The following CSRNP3 variants were observed in gnomAD, a reference collection of about 807,000 sequenced individuals.
CSRNP3 encodes cysteine/serine-rich nuclear protein 3.
In CSRNP3, 12 loss-of-function variants were observed where a neutral mutation model predicts 48.0. That is an observed-to-expected ratio of 0.25 (90% confidence interval 0.16 to 0.41). The LOEUF (loss-of-function observed/expected upper bound fraction) is 0.41. Ranked by LOEUF, CSRNP3 falls within the 10% of genes least tolerant of loss-of-function variation. The probability of loss-of-function intolerance (pLI) is 1.00; values close to 1 mark genes in which losing one functional copy is unlikely to be tolerated. For missense variants in CSRNP3, 580 were observed against 724.4 expected, an observed-to-expected ratio of 0.80 and a Z score of 2.29; for synonymous variants, 263 against 269.7, an observed-to-expected ratio of 0.98 and a Z score of 0.24.
chr2:165,558,610 ACAC>A (rs1230975870), intron 3 of CSRNP3, among the ~76,000 whole-genome samples: 1 of 152,188 alleles, frequency 6.6e-6, no homozygotes, highest in Non-Finnish European at 1.5e-5. Flanking sequence ...AGACACACAC[ACAC>A]ATTTACATGA....
At chr2:165,572,083 T>G (rs898655933) in intron 3 of CSRNP3, among the ~76,000 whole-genome samples, 2 of 152,156 alleles carry the variant, frequency 1.3e-5, no homozygotes, top group Non-Finnish European at 2.9e-5. Flanking sequence ...TTCCTTAAAT[T>G]ATTATTCAAC....
intron 5 of CSRNP3, 117 bp from the exon 6 acceptor site, chr2:165,676,195 C>CACTT: frequency 1.3e-6 from 1 of 768,548 alleles, no homozygotes; most frequent in Non-Finnish European, 2.2e-6. Flanking sequence ...ATCTAACAAA[C>CACTT]ACTTGTTGAT....
intron 3 of CSRNP3, among the ~76,000 whole-genome samples, chr2:165,529,609 A>G (rs1684785873): frequency 6.6e-6 from 1 of 152,234 alleles, no homozygotes; most frequent in Admixed American, 6.5e-5. Flanking sequence ...GATGTTATGT[A>G]TAAATACATA....
intron 3 of CSRNP3, among the ~76,000 whole-genome samples, chr2:165,518,892 A>C (rs551684918): frequency 6.6e-6 from 1 of 152,178 alleles, no homozygotes; most frequent in African/African-American, 2.4e-5. Flanking sequence ...CCTTGTTCTC[A>C]AAAATTTCCC....
At chr2:165,592,613 G>A (rs1318797148) in intron 3 of CSRNP3, among the ~76,000 whole-genome samples, 1 of 152,080 alleles carries the variant, frequency 6.6e-6, no homozygotes, top group African/African-American at 2.4e-5. Flanking sequence ...TTACCCTCAT[G>A]CTGTTCTCCT....
chr2:165,582,894 C>T (rs913453115), intron 3 of CSRNP3, among the ~76,000 whole-genome samples: 6 of 152,246 alleles, frequency 3.9e-5, no homozygotes, highest in African/African-American at 4.8e-5. Context: ...TTCAAGGTCA[C>T]AAACAATTCT....
chr2:165,507,173 A>G (rs1251118647), intron 2 of CSRNP3, among the ~76,000 whole-genome samples: 1 of 152,166 alleles, frequency 6.6e-6, no homozygotes, highest in South Asian at 2.1e-4. Context: ...AAAAGAACTA[A>G]TATATTGAGG....
chr2:165,650,144 GT>G (rs1376235291), intron 4 of CSRNP3, among the ~76,000 whole-genome samples: 3 of 152,016 alleles, frequency 2.0e-5, no homozygotes, highest in Non-Finnish European at 4.4e-5. Flanking sequence ...GTCTTTTGGA[GT>G]TTTTTCCACT....
intron 3 of CSRNP3, among the ~76,000 whole-genome samples, chr2:165,540,251 C>T (rs991386193): frequency 1.3e-5 from 2 of 151,992 alleles, no homozygotes; most frequent in Non-Finnish European, 2.9e-5. Context: ...TACTCCCTGT[C>T]TTTATTGTTA....
intron 3 of CSRNP3, among the ~76,000 whole-genome samples, chr2:165,592,573 G>T (rs1007674174): frequency 6.6e-6 from 1 of 152,126 alleles, no homozygotes; most frequent in Non-Finnish European, 1.5e-5. Flanking sequence ...GGAGGGATGT[G>T]TTGGGGGGGT....
intron 3 of CSRNP3, among the ~76,000 whole-genome samples, chr2:165,545,238 C>T (rs1685009316): frequency 6.6e-6 from 1 of 151,994 alleles, no homozygotes; most frequent in South Asian, 2.1e-4. Context: ...TGTGTATAAA[C>T]AATTAATGCC....
At chr2:165,667,123 GAA>G (rs1687246932) in intron 5 of CSRNP3, among the ~76,000 whole-genome samples, 1 of 87,834 alleles carries the variant, frequency 1.1e-5, no homozygotes, top group Non-Finnish European at 2.9e-5. Flanking sequence ...AGGAAAGAGA[GAA>G]AGAAAGAAAG....
intron 2 of CSRNP3, among the ~76,000 whole-genome samples, chr2:165,507,091 A>G (rs1274029919): frequency 6.6e-6 from 1 of 152,234 alleles, no homozygotes; most frequent in Non-Finnish European, 1.5e-5. Flanking sequence ...GAAATTACTC[A>G]TAGCCAATTG....
At chr2:165,501,243 G>T (rs960379202) in intron 2 of CSRNP3, among the ~76,000 whole-genome samples, 1 of 152,108 alleles carries the variant, frequency 6.6e-6, no homozygotes, top group African/African-American at 2.4e-5. Flanking sequence ...AGCTAGAGAG[G>T]CTGCAAAAGG....
intron 1 of CSRNP3, among the ~76,000 whole-genome samples, chr2:165,477,579 G>T (rs1022820687): frequency 5.4e-5 from 8 of 149,106 alleles, no homozygotes; most frequent in Non-Finnish European, 8.9e-5. Context: ...TGAGGCAGGG[G>T]AATCGCTTGA....
chr2:165,537,362 G>A (rs1469288702), intron 3 of CSRNP3, among the ~76,000 whole-genome samples: 2 of 149,750 alleles, frequency 1.3e-5, no homozygotes, highest in African/African-American at 4.9e-5. Context: ...AACCACAGGG[G>A]ACCTAAAAGC....
chr2:165,615,791 C>A (rs963836072), intron 4 of CSRNP3, among the ~76,000 whole-genome samples: 1 of 151,208 alleles, frequency 6.6e-6, no homozygotes, highest in South Asian at 2.1e-4. Context: ...CTAAAGTGCA[C>A]TGGTGCAATC....
At chr2:165,517,678 A>C (rs1025908103) in intron 2 of CSRNP3, among the ~76,000 whole-genome samples, 195 bp from the exon 3 acceptor site, 3 of 151,918 alleles carry the variant, frequency 2.0e-5, no homozygotes, top group Non-Finnish European at 4.4e-5. Context: ...AATTTACTAC[A>C]TTGTTCTAAG....
rs1687560193 is a variant in CSRNP3 at position 165,682,253 on chromosome 2, A to G, written c.*2500A>G. 6.6e-6 allele frequency: 1 copy of G among 152,080 alleles called. No homozygotes were observed. The highest frequency in any genetic ancestry group is 2.4e-5 in the African/African-American group (1 of 41,418). The allele number at this position is 152,080 out of a possible 1,614,324, so 9.4% of individuals were successfully genotyped here. A position where few individuals can be genotyped will look rare whatever the true frequency, so the allele number is the denominator to read the frequency against. ...CTTTGTTTCCAAAAGGATGCTTAAG[A>G]AAACAGAGTTTTTTTCCCCTATCCA... On this transcript the variant is annotated 3_prime_UTR_variant, in exon 7 of 7. Transcript: ENST00000651982.
Sources: allele counts gnomAD v4.1 joint callset (sites outside exome capture counted in the v4.1 genomes callset), GRCh38; gene constraint gnomAD v4.1.1; transcripts MANE v1.5; gene names NCBI Gene and HGNC (gene_info 2026-07-23, HGNC 2026-07-21).